ALG14: variants seen among roughly 807,000 people sequenced by gnomAD.
ALG14 encodes UDP-N-acetylglucosamine transferase subunit ALG14.
In ALG14, 17 loss-of-function variants were observed where a neutral mutation model predicts 22.8. The ratio of observed to expected loss-of-function variants is 0.75; its 90% CI spans 0.51 to 1.12. The LOEUF (loss-of-function observed/expected upper bound fraction) is 1.12, where lower values mean the gene tolerates loss of function less well. Ranked by LOEUF, ALG14 falls within the 50% of genes most tolerant of loss-of-function variation. The pLI is 0.00. For missense variants in ALG14, 288 were observed against 271.8 expected, an observed-to-expected ratio of 1.06 and a Z score of -0.42; for synonymous variants, 89 against 103.7, an observed-to-expected ratio of 0.86 and a Z score of 0.86.
chr1:94,983,163 CAG>C lies in ALG14; in HGVS notation c.562_563del (p.Leu188ValfsTer34), dbSNP rs1472338110. ...CAATGAAGTAATCTGAGAGATGAAA[CAG>C]AATCTTTCCGGACATGGATAACGTT... is the stretch of plus-strand genomic sequence containing the variant. ...VETLSMSGKI[L>X]FHLSDYFIVQ... On this transcript the variant is annotated frameshift_variant, in exon 4 of 4. Transcript: ENST00000370205. LOFTEE classifies it high-confidence loss of function. The C allele has an allele frequency of 6.2e-7, 1 of 1,614,118 alleles. No homozygotes were observed. The highest frequency in any genetic ancestry group is 1.7e-5 in the Admixed American group (1 of 60,010).
At chr1:95,021,022 A>T (rs1673646633) in intron 3 of ALG14, among the ~76,000 whole-genome samples, 1 of 152,236 alleles carries the variant, frequency 6.6e-6, no homozygotes, top group Admixed American at 6.5e-5. Flanking sequence ...TGGTGCTTTG[A>T]TAAAGAGAAT....
At chr1:94,987,344 A>G (rs962837582) in intron 3 of ALG14, among the ~76,000 whole-genome samples, 3 of 152,052 alleles carry the variant, frequency 2.0e-5, no homozygotes, top group Non-Finnish European at 4.4e-5. Flanking sequence ...GTTTTGTTCA[A>G]CTCCCTGACT....
At chr1:95,019,853 G>A (rs1673611132) in intron 3 of ALG14, among the ~76,000 whole-genome samples, 1 of 152,084 alleles carries the variant, frequency 6.6e-6, no homozygotes, top group African/African-American at 2.4e-5. Flanking sequence ...AGTGGTGCAT[G>A]CCTGTAATCC....
At chr1:95,044,402 A>T (rs1674478724) in intron 2 of ALG14, among the ~76,000 whole-genome samples, 1 of 152,148 alleles carries the variant, frequency 6.6e-6, no homozygotes, top group South Asian at 2.1e-4. Context: ...AGGGCTTACA[A>T]GGTCCTAAAT....
rs142006043 is a variant in ALG14, at chr1:94,995,779, C to T, written c.421-12473G>A. On this transcript the variant is annotated intron_variant, in intron 3 of 3. Coordinates refer to ENST00000370205, the MANE Select transcript of ALG14 (RefSeq NM_144988.4). ...CATTGACTAAGCAGTCAAGGTCTGC[C>T]AATAAAAACGTCCTTCACTGTCAGT... 3.3e-3 allele frequency among the ~76,000 whole-genome samples: 497 copies of T among 152,246 alleles called. 1 individual carries two copies. The highest frequency in any genetic ancestry group is 0.012 in the African/African-American group (478 of 41,554).
chr1:95,048,805 T>TC, intron 2 of ALG14, among the ~76,000 whole-genome samples: 1 of 152,258 alleles, frequency 6.6e-6, no homozygotes. Flanking sequence ...TTTTTTTTTT[T>TC]CTTAGCTCTC....
chr1:95,016,971 G>GTGTGTGTA (rs1673516287), intron 3 of ALG14, among the ~76,000 whole-genome samples: 1 of 147,458 alleles, frequency 6.8e-6, no homozygotes, highest in Non-Finnish European at 1.5e-5. Context: ...GTGTGTGTGT[G>GTGTGTGTA]TGTGTGTGTG....
intron 3 of ALG14, among the ~76,000 whole-genome samples, chr1:95,001,390 T>G (rs1414348142): frequency 6.6e-6 from 1 of 152,180 alleles, no homozygotes; most frequent in Non-Finnish European, 1.5e-5. Context: ...GCTGTCTAAT[T>G]TAGGAGAGAA....
At chr1:95,051,886 C>T (rs1426688010) in intron 2 of ALG14, among the ~76,000 whole-genome samples, 3 of 152,162 alleles carry the variant, frequency 2.0e-5, no homozygotes, top group Non-Finnish European at 4.4e-5. Flanking sequence ...CTTCCTATTC[C>T]CTTGCCTTGC....
chr1:95,062,578 C>A (rs959138897), intron 2 of ALG14, among the ~76,000 whole-genome samples: 1 of 152,138 alleles, frequency 6.6e-6, no homozygotes, highest in Non-Finnish European at 1.5e-5. Flanking sequence ...CATTAGTTTG[C>A]TGAGGATAAC....
chr1:95,001,485 A>T (rs1177831814), intron 3 of ALG14, among the ~76,000 whole-genome samples: 6 of 152,092 alleles, frequency 3.9e-5, no homozygotes, highest in Admixed American at 2.6e-4. Context: ...TTTGATTTCT[A>T]TGGCTTCTTT....
intron 2 of ALG14, among the ~76,000 whole-genome samples, chr1:95,053,842 T>C (rs1357581776): frequency 2.6e-5 from 4 of 152,094 alleles, no homozygotes. Flanking sequence ...CAACAAACAA[T>C]GGGGAATATA....
intron 1 of ALG14, chr1:95,067,521 T>C (rs923082860): frequency 6.6e-6 from 1 of 152,230 alleles, no homozygotes; most frequent in Admixed American, 6.5e-5. Flanking sequence ...TTTAAACTTG[T>C]TACTGAATAA....
intron 2 of ALG14, among the ~76,000 whole-genome samples, chr1:95,044,302 T>G (rs1674475806): frequency 6.6e-6 from 1 of 152,178 alleles, no homozygotes; most frequent in African/African-American, 2.4e-5. Flanking sequence ...ACGAGTGACC[T>G]GTGTAAAACA....
Position 94,975,944 on chromosome 1 carries a change from G to A in ALG14, c.*7132C>T, listed in dbSNP as rs1672388948. ...AGGCAGGACAATGGCGTGAACCCAG[G>A]AGGCGGAGCTTGCAGTGAGCCGAGA... On this transcript the variant is annotated 3_prime_UTR_variant, in exon 4 of 4. Coordinates refer to ENST00000370205, the MANE Select transcript of ALG14 (RefSeq NM_144988.4). 6.7e-6 allele frequency: 1 copy of A among 150,074 alleles called. No homozygotes were observed. The highest frequency in any genetic ancestry group is 1.5e-5 in the Non-Finnish European group (1 of 67,808). 9.3% of individuals were successfully genotyped at this position (150,074 alleles called of 1,614,324 possible). A position where few individuals can be genotyped will look rare whatever the true frequency, so the allele number is the denominator to read the frequency against.
chr1:95,026,558 T>A (rs1230793326), intron 3 of ALG14, among the ~76,000 whole-genome samples: 1 of 151,498 alleles, frequency 6.6e-6, no homozygotes, highest in Non-Finnish European at 1.5e-5. Context: ...TCAGAACACA[T>A]ACATTTATTA....
At position 94,977,276 on chromosome 1, in the gene ALG14, T is replaced by G; in HGVS notation, c.*5800A>C. 6.6e-6 allele frequency: 1 copy of G among 152,098 alleles called. No homozygotes were observed. Among genetic ancestry groups the G allele is most frequent in the East Asian group, 1.9e-4 (1 of 5,196 alleles). 9.4% of individuals were successfully genotyped at this position (152,098 alleles called of 1,614,324 possible). A position where few individuals can be genotyped will look rare whatever the true frequency, so the allele number is the denominator to read the frequency against. Reference sequence around the variant, plus strand: ...AGGAGGATTCCTTGAGACCAGGAGTTTGAGACCAGTCTGGACAACATAGTG... The same window carrying G: ...AGGAGGATTCCTTGAGACCAGGAGTGTGAGACCAGTCTGGACAACATAGTG... On this transcript the variant is annotated 3_prime_UTR_variant, in exon 4 of 4. Transcript: ENST00000370205.
At chr1:95,042,817 G>C (rs1674425552) in intron 2 of ALG14, among the ~76,000 whole-genome samples, 1 of 152,148 alleles carries the variant, frequency 6.6e-6, no homozygotes, top group South Asian at 2.1e-4. Flanking sequence ...GGGTCCTTCT[G>C]TTTTGGAAAT....
intron 1 of ALG14, among the ~76,000 whole-genome samples, chr1:95,067,741 C>T (rs1183901359): frequency 6.6e-6 from 1 of 152,196 alleles, no homozygotes; most frequent in Non-Finnish European, 1.5e-5. Context: ...CCCACTTCCC[C>T]TTCAGTCTAT....
Sources: allele counts gnomAD v4.1 joint callset (sites outside exome capture counted in the v4.1 genomes callset), GRCh38; gene constraint gnomAD v4.1.1; transcripts MANE v1.5; gene names NCBI Gene and HGNC (gene_info 2026-07-23, HGNC 2026-07-21).